The following SEMA5A variants were observed in gnomAD, a reference collection of about 807,000 sequenced individuals.
SEMA5A encodes the protein semaphorin 5A, also known as semaphorin-5A.
SEMA5A carries 55 observed loss-of-function variants against 135.5 expected under a neutral mutation model. That is an observed-to-expected ratio of 0.41 (90% CI 0.33 to 0.51). SEMA5A has a LOEUF of 0.51. Ranked by LOEUF, SEMA5A falls within the 20% of genes least tolerant of loss-of-function variation. SEMA5A has a pLI of 0.37. For missense variants in SEMA5A, 1,290 were observed against 1,419.9 expected (o/e 0.91, Z 1.47); for synonymous variants, 580 against 546.5 (o/e 1.06, Z -0.85).
intron 13 of SEMA5A, among the ~76,000 whole-genome samples, chr5:9,133,915 A>G (rs1286192766): frequency 1.3e-5 from 2 of 151,688 alleles, no homozygotes; most frequent in African/African-American, 4.8e-5. Context: ...GGAGGAACCT[A>G]GTGGGAGGTA....
intron 11 of SEMA5A, among the ~76,000 whole-genome samples, chr5:9,179,418 G>T (rs1242729423): frequency 2.0e-5 from 3 of 152,166 alleles, no homozygotes; most frequent in Non-Finnish European, 4.4e-5. Flanking sequence ...GGAAGCAAGA[G>T]ACCAAGAAGA....
At chr5:9,300,040 T>G (rs950398909) in intron 5 of SEMA5A, among the ~76,000 whole-genome samples, 4 of 151,024 alleles carry the variant, frequency 2.6e-5, no homozygotes, top group East Asian at 2.0e-4. Flanking sequence ...CTCACTTTTT[T>G]GGGGGGCGGG....
intron 11 of SEMA5A, among the ~76,000 whole-genome samples, chr5:9,172,535 T>A (rs1040478159): frequency 7.9e-5 from 12 of 152,222 alleles, no homozygotes; most frequent in Non-Finnish European, 1.2e-4. Flanking sequence ...ATAACTTTTT[T>A]AACTAAAATC....
At chr5:9,257,969 C>T (rs1749171578) in intron 5 of SEMA5A, among the ~76,000 whole-genome samples, 1 of 152,130 alleles carries the variant, frequency 6.6e-6, no homozygotes, top group African/African-American at 2.4e-5. Flanking sequence ...TCCTTCGAGG[C>T]TATAGATGAT....
At chr5:9,310,745 A>G (rs1057084880) in intron 5 of SEMA5A, among the ~76,000 whole-genome samples, 2 of 150,674 alleles carry the variant, frequency 1.3e-5, no homozygotes, top group Non-Finnish European at 3.0e-5. Context: ...TTTAAACACA[A>G]GAATCCCAGC....
chr5:9,376,303 G>C (rs558525940), intron 3 of SEMA5A, among the ~76,000 whole-genome samples: 1 of 152,250 alleles, frequency 6.6e-6, no homozygotes, highest in South Asian at 2.1e-4. Context: ...TCCTGTGCGT[G>C]AGGCTTGCCA....
intron 11 of SEMA5A, among the ~76,000 whole-genome samples, chr5:9,172,168 C>T (rs749792324): frequency 6.6e-6 from 1 of 152,148 alleles, no homozygotes; most frequent in Non-Finnish European, 1.5e-5. Context: ...AGGTCAGCAA[C>T]TCCATAAAGC....
Position 9,347,106 on chromosome 5 carries a change from C to T in SEMA5A, c.125-9294G>A, listed in dbSNP as rs191401033. ...AGAGAAATTAAAACATTTCGTATCACGAAAAAAGACCCAAAATAGCAGGAA... is the reference window on the plus strand; with the variant it reads ...AGAGAAATTAAAACATTTCGTATCATGAAAAAAGACCCAAAATAGCAGGAA... On this transcript the variant is annotated intron_variant, in intron 3 of 22. Transcript: ENST00000382496. Among the ~76,000 whole-genome samples, 185 of 152,154 alleles carry T rather than the reference C, an allele frequency of 1.2e-3. 1 individual carries two copies. The highest frequency in any genetic ancestry group is 5.8e-3 in the East Asian group (30 of 5,176).
At chr5:9,435,315 A>G (rs1330787644) in intron 2 of SEMA5A, among the ~76,000 whole-genome samples, 1 of 152,176 alleles carries the variant, frequency 6.6e-6, no homozygotes, top group Non-Finnish European at 1.5e-5. Context: ...AGTAGGAAAT[A>G]CCATCTAAAC....
At chr5:9,361,823 A>G (rs185924136) in intron 3 of SEMA5A, among the ~76,000 whole-genome samples, 2 of 152,188 alleles carry the variant, frequency 1.3e-5, no homozygotes, top group Admixed American at 6.5e-5. Flanking sequence ...GCTTAGTTCC[A>G]TTCATTGTTT....
intron 1 of SEMA5A, among the ~76,000 whole-genome samples, chr5:9,491,523 G>A (rs1228691943): frequency 1.3e-5 from 2 of 151,574 alleles, no homozygotes; most frequent in Admixed American, 6.6e-5. Flanking sequence ...CTGAAGACTT[G>A]AATGGATGCA....
At chr5:9,280,718 T>G (rs1001070157) in intron 5 of SEMA5A, 2 of 251,560 alleles carry the variant, frequency 8.0e-6, no homozygotes, top group Non-Finnish European at 1.7e-5. Flanking sequence ...AACCAAAATT[T>G]TTACATGGAG....
chr5:9,205,806 T>C (rs1219773007), intron 8 of SEMA5A, among the ~76,000 whole-genome samples: 1 of 152,154 alleles, frequency 6.6e-6, no homozygotes, highest in Non-Finnish European at 1.5e-5. Context: ...CCTACACTGA[T>C]CCTTCAGGAT....
intron 16 of SEMA5A, among the ~76,000 whole-genome samples, chr5:9,098,496 C>T (rs2174442): frequency 0.11 from 17,402 of 152,090 alleles, 1,535 homozygotes; most frequent in East Asian, 0.32. Context: ...CAATCAATGA[C>T]GGAAGATGCA....
At chr5:9,288,520 G>A (rs1750913000) in intron 5 of SEMA5A, among the ~76,000 whole-genome samples, 1 of 152,182 alleles carries the variant, frequency 6.6e-6, no homozygotes, top group Non-Finnish European at 1.5e-5. Flanking sequence ...CAGTACAGAG[G>A]CAGAAACAGA....
At chr5:9,380,260 C>A (rs970666487) in intron 2 of SEMA5A, 3 of 270,388 alleles carry the variant, frequency 1.1e-5, no homozygotes, top group Non-Finnish European at 2.1e-5. Context: ...AATTGCATGA[C>A]ATAGCCCATT....
In SEMA5A at chr5:9,066,475, T is replaced by C. The variant is rs141601855; in HGVS notation, c.2245A>G (p.Arg749Gly). 4 of 1,614,210 alleles carry C rather than the reference T, an allele frequency of 2.5e-6. No homozygotes were observed. The East Asian group carries it at 8.9e-5, about 36-fold the overall frequency. ...CTAGAACAGTACCGCATTTCGATTC[T>C]CTGTCTTCCCACTTCCAGCAAATTC... ...DPNLLEVGRQ[R>G]IEMRYCSSDG... Residue 749 changes from arginine to glycine, a missense_variant, in exon 17 of 23, where the codon AGA (arginine) becomes GGA (glycine). Arg to Gly is a moderately radical substitution (Grantham distance 125, BLOSUM62 -2). Transcript: ENST00000382496.
intron 11 of SEMA5A, among the ~76,000 whole-genome samples, chr5:9,167,706 G>A (rs1388529103): frequency 6.6e-6 from 1 of 152,170 alleles, no homozygotes; most frequent in Admixed American, 6.5e-5. Flanking sequence ...AAGTCTGTGT[G>A]CTTATGGAAG....
chr5:9,256,406 C>A (rs1490836779), intron 5 of SEMA5A, among the ~76,000 whole-genome samples: 2 of 152,140 alleles, frequency 1.3e-5, no homozygotes, highest in Admixed American at 1.3e-4. Context: ...CTCTTCCAAA[C>A]CTTTGTATTC....
Sources: allele counts gnomAD v4.1 joint callset (sites outside exome capture counted in the v4.1 genomes callset), GRCh38; gene constraint gnomAD v4.1.1; transcripts MANE v1.5; gene names NCBI Gene and HGNC (gene_info 2026-07-23, HGNC 2026-07-21).